GUCY2C: variants seen among roughly 807,000 people sequenced by gnomAD.
The protein encoded by GUCY2C is guanylate cyclase 2C.
In GUCY2C, 118 loss-of-function variants were observed where a neutral mutation model predicts 131.1. The ratio of observed to expected loss-of-function variants is 0.90; its 90% CI spans 0.78 to 1.05. GUCY2C has a LOEUF of 1.05. Among genes scored for constraint, GUCY2C ranks in the 50% least tolerant of loss-of-function variants. The probability of loss-of-function intolerance (pLI) is 0.00; values close to 1 mark genes in which losing one functional copy is unlikely to be tolerated. For synonymous variants in GUCY2C, 452 were observed against 457.8 expected (o/e 0.99, Z 0.16); for missense variants, 1,161 against 1,304.4 (o/e 0.89, Z 1.69).
At chr12:14,660,246 G>A (rs1045978072) in intron 11 of GUCY2C, among the ~76,000 whole-genome samples, 10 of 152,204 alleles carry the variant, frequency 6.6e-5, no homozygotes, top group Admixed American at 6.5e-4. Flanking sequence ...ATATAATACA[G>A]TATTATAAGT....
Position 14,670,532 on chromosome 12 carries a change from G to C in GUCY2C, c.1171-699C>G, listed in dbSNP as rs143958362. ...GAAAGATGACTGATATGGTTTGGCT[G>C]TGTCCCCACCAAAATCTCAACTTGA... On this transcript the variant is annotated intron_variant, in intron 9 of 26. Transcript: ENST00000261170. Among the ~76,000 whole-genome samples the C allele has an allele frequency of 3.7e-3, 561 of 152,172 alleles. 9 individuals carry two copies. Among genetic ancestry groups the C allele is most frequent in the African/African-American group, 0.013 (529 of 41,522 alleles).
intron 5 of GUCY2C, among the ~76,000 whole-genome samples, chr12:14,680,426 ATACT>A (rs1948326719): frequency 6.6e-6 from 1 of 152,144 alleles, no homozygotes. Context: ...AGGGACATAA[ATACT>A]TATATATTTC....
At chr12:14,623,868 T>C (rs998875791) in intron 21 of GUCY2C, among the ~76,000 whole-genome samples, 2 of 152,210 alleles carry the variant, frequency 1.3e-5, no homozygotes, top group Non-Finnish European at 2.9e-5. Flanking sequence ...GTACATTTCC[T>C]GAGGCCTCCC....
At chr12:14,671,254 C>T (rs1466054889) in intron 9 of GUCY2C, among the ~76,000 whole-genome samples, 2 of 152,146 alleles carry the variant, frequency 1.3e-5, no homozygotes, top group African/African-American at 4.8e-5. Context: ...TCTCCTGTCT[C>T]AGCCTCCCAA....
At chr12:14,632,723 G>A (rs1947174101) in intron 19 of GUCY2C, among the ~76,000 whole-genome samples, 1 of 152,128 alleles carries the variant, frequency 6.6e-6, no homozygotes, top group Admixed American at 6.5e-5. Context: ...CACAGGGTGG[G>A]GACTGAAGAC....
At position 14,619,305 on chromosome 12, in the gene GUCY2C, G is replaced by A. The variant is rs1184819872; in HGVS notation, c.2781C>T (p.Pro927=). The change falls in exon 24 of 27, where the codon CCC becomes CCT. Residue 927 remains proline, a synonymous_variant. Coordinates refer to ENST00000261170, the MANE Select transcript of GUCY2C (RefSeq NM_004963.4). ...TGATTCCCACAACTCCAGCAGCACA[G>A]GGACCTGAAATGAAGGACAGAAAGC... is the stretch of plus-strand genomic sequence containing the variant. The part of the protein sequence containing the change: ...IWIRIGVHSG[P]CAAGVVGIKM... The A allele has an allele frequency of 6.2e-7, 1 of 1,605,282 alleles. No individual in the cohort carries two copies. Among genetic ancestry groups the A allele is most frequent in the South Asian group, 1.1e-5 (1 of 90,902 alleles).
intron 19 of GUCY2C, among the ~76,000 whole-genome samples, chr12:14,630,890 A>C (rs888167): frequency 0.87 from 133,038 of 152,156 alleles, 60,902 homozygotes; most frequent in Non-Finnish European, 1. Flanking sequence ...TAAGGTTTTA[A>C]TATTTGGATA....
In GUCY2C at chr12:14,686,181, T is replaced by C; in HGVS notation, c.375A>G (p.Thr125=). 1 of 1,603,230 alleles carries C rather than the reference T, an allele frequency of 6.2e-7. No homozygotes were observed. Among genetic ancestry groups the C allele is most frequent in the Non-Finnish European group, 8.5e-7 (1 of 1,170,104 alleles). Residue 125 remains threonine, a synonymous_variant, in exon 3 of 27, where the codon ACA becomes ACG. Coordinates refer to ENST00000261170, the MANE Select transcript of GUCY2C (RefSeq NM_004963.4). ...CTTACTACATCTGGAAGGTGGAGTA[T>C]GTACATGAGGGCCCTATGAGGACAC... The part of the protein sequence containing the change: ...MGCVLIGPSC[T]YSTFQMYLDT...
At chr12:14,638,721 G>A (rs965093539) in intron 19 of GUCY2C, among the ~76,000 whole-genome samples, 1 of 152,126 alleles carries the variant, frequency 6.6e-6, no homozygotes, top group Non-Finnish European at 1.5e-5. Context: ...GTAGGGCAGG[G>A]GATGAATGAA....
chr12:14,645,562 C>T (rs1318617525), intron 15 of GUCY2C, among the ~76,000 whole-genome samples: 1 of 152,122 alleles, frequency 6.6e-6, no homozygotes, highest in African/African-American at 2.4e-5. Context: ...GTTCTTCCAT[C>T]AGACAGGTGT....
Position 14,652,092 on chromosome 12 carries a change from T to A in GUCY2C, c.1534-62A>T, listed in dbSNP as rs917531026. ...GGTGTAACTCTTTACATGCATATTA[T>A]AACAGTTTGTTTGTGTGTCTCACTA... On this transcript the variant is annotated intron_variant, in intron 13 of 26. Coordinates refer to ENST00000261170, the MANE Select transcript of GUCY2C (RefSeq NM_004963.4). The A allele has an allele frequency of 3.1e-5, 27 of 871,270 alleles. No homozygotes were observed. The Admixed American group carries it at 5.2e-4, about 17-fold the overall frequency. 54.0% of individuals were successfully genotyped at this position (871,270 alleles called of 1,614,324 possible). A position where few individuals can be genotyped will look rare whatever the true frequency, so the allele number is the denominator to read the frequency against.
At chr12:14,633,532 A>G (rs916282361) in intron 19 of GUCY2C, among the ~76,000 whole-genome samples, 2 of 152,212 alleles carry the variant, frequency 1.3e-5, no homozygotes, top group Non-Finnish European at 2.9e-5. Flanking sequence ...GATACCTCCA[A>G]AGAAACACAG....
chr12:14,614,379 C>T (rs1204593322), intron 26 of GUCY2C: 1 of 157,372 alleles, frequency 6.4e-6, no homozygotes, highest in Non-Finnish European at 1.4e-5. Flanking sequence ...GTTAAGTATA[C>T]TTTAATGCAG....
chr12:14,686,080 G>T, intron 3 of GUCY2C, 81 bp downstream of exon 3: 1 of 847,028 alleles, frequency 1.2e-6, no homozygotes, highest in Non-Finnish European at 2.0e-6. Context: ...TGATTGTGTT[G>T]GCTTGACTAG....
intron 1 of GUCY2C, among the ~76,000 whole-genome samples, chr12:14,691,633 T>C (rs2137112338): frequency 6.6e-6 from 1 of 152,286 alleles, no homozygotes; most frequent in East Asian, 1.9e-4. Context: ...TATGAGGGCT[T>C]TGTTCTGTCC....
At chr12:14,687,841 G>A in intron 2 of GUCY2C, 110 bp downstream of exon 2, 1 of 673,750 alleles carries the variant, frequency 1.5e-6, no homozygotes, top group Non-Finnish European at 2.7e-6. Context: ...ATTCAGCTAT[G>A]TGGCTAGAGA....
chr12:14,647,158 T>G (rs1391443564), intron 15 of GUCY2C, among the ~76,000 whole-genome samples: 1 of 152,214 alleles, frequency 6.6e-6, no homozygotes, highest in African/African-American at 2.4e-5. Context: ...TTTAGTCATA[T>G]TTGTCATATA....
chr12:14,660,783 G>T (rs1468285758), intron 11 of GUCY2C, among the ~76,000 whole-genome samples, 198 bp downstream of exon 11: 2 of 152,104 alleles, frequency 1.3e-5, no homozygotes, highest in African/African-American at 4.8e-5. Context: ...GGCATCTTTG[G>T]CTTCAAAGCC....
In GUCY2C at chr12:14,652,342, T is replaced by G. The variant is rs1947680363; in HGVS notation, c.1534-312A>C. ...GGCATGCACCACCATGCCCGGCTAA[T>G]TTTTGTATTTTTAGGAGAAACGGGG... On this transcript the variant is annotated intron_variant, in intron 13 of 26. Transcript: ENST00000261170. 2.0e-5 allele frequency among the ~76,000 whole-genome samples: 3 copies of G among 151,918 alleles called. No homozygotes were observed. The South Asian group carries it at 6.2e-4, about 32-fold the overall frequency.
Sources: allele counts gnomAD v4.1 joint callset (sites outside exome capture counted in the v4.1 genomes callset), GRCh38; gene constraint gnomAD v4.1.1; transcripts MANE v1.5; gene names NCBI Gene and HGNC (gene_info 2026-07-23, HGNC 2026-07-21).